MAF: variants seen among roughly 807,000 people sequenced by gnomAD.
The protein encoded by MAF is transcription factor Maf.
In MAF, 10 loss-of-function variants were observed where a neutral mutation model predicts 22.0. That is an observed-to-expected ratio of 0.45 (90% CI 0.28 to 0.77). The LOEUF (loss-of-function observed/expected upper bound fraction) is 0.77. Ranked by LOEUF, MAF falls within the 30% of genes least tolerant of loss-of-function variation. The pLI is 0.12. For missense variants in MAF, 544 were observed against 548.4 expected (o/e 0.99, Z 0.08); for synonymous variants, 337 against 255.8 (o/e 1.32, Z -3.03).
the MAF span, among the ~76,000 whole-genome samples, chr16:79,217,991 A>G: frequency 4.7e-4 from 10 of 21,374 alleles, no homozygotes; most frequent in Non-Finnish European, 9.1e-4. Context: ...TTATGTAAAA[A>G]AAAAAAAAAA....
intron 1 of MAF, chr16:79,596,663 G>A: frequency 1.9e-6 from 2 of 1,036,252 alleles, no homozygotes; most frequent in African/African-American, 1.7e-5. Flanking sequence ...TATTTATTGT[G>A]GTAAGATTTA....
At chr16:79,210,762 C>T in the MAF span, among the ~76,000 whole-genome samples, 9,121 of 152,138 alleles carry the variant, frequency 0.06, 400 homozygotes, top group East Asian at 0.23. Context: ...TATAGCATCC[C>T]TGACAGTATT....
At chr16:79,553,339 G>A in the MAF span, among the ~76,000 whole-genome samples, 17 of 152,324 alleles carry the variant, frequency 1.1e-4, no homozygotes, top group African/African-American at 3.6e-4. Flanking sequence ...ATGGAGCCTG[G>A]TCTCTCTGGA....
At chr16:79,371,101 G>A in the MAF span, among the ~76,000 whole-genome samples, 10 of 151,658 alleles carry the variant, frequency 6.6e-5, no homozygotes, top group Admixed American at 2.6e-4. Context: ...TGGATGAATG[G>A]TTTGGAGGGC....
the MAF span, among the ~76,000 whole-genome samples, chr16:79,474,724 G>A: frequency 6.6e-6 from 1 of 152,084 alleles, no homozygotes. Flanking sequence ...GGTGAAGGAG[G>A]AAATCCTTGA....
At chr16:79,484,786 T>G in the MAF span, among the ~76,000 whole-genome samples, 1 of 152,176 alleles carries the variant, frequency 6.6e-6, no homozygotes, top group Admixed American at 6.5e-5. Context: ...AGGGGTGACA[T>G]GTGTGCATGT....
chr16:79,507,162 G>A, the MAF span, among the ~76,000 whole-genome samples: 1 of 149,030 alleles, frequency 6.7e-6, no homozygotes, highest in African/African-American at 2.5e-5. Context: ...CGCCCAGGCT[G>A]GAGTGCAGGG....
the MAF span, among the ~76,000 whole-genome samples, chr16:79,543,682 T>G: frequency 6.6e-6 from 1 of 150,720 alleles, no homozygotes; most frequent in Non-Finnish European, 1.5e-5. Context: ...TTTTCTTTTT[T>G]TTTTTTTCTT....
At chr16:79,211,056 T>TGTGTGTGTGTGTGTGC in the MAF span, among the ~76,000 whole-genome samples, 4 of 150,314 alleles carry the variant, frequency 2.7e-5, no homozygotes, top group South Asian at 2.1e-4. Flanking sequence ...TGTGTGTGTG[T>TGTGTGTGTGTGTGTGC]GCATTAAATG....
chr16:79,253,285 C>T, the MAF span, among the ~76,000 whole-genome samples: 1 of 152,180 alleles, frequency 6.6e-6, no homozygotes, highest in Non-Finnish European at 1.5e-5. Context: ...AGCCCCCAGC[C>T]TCCACCCCAC....
chr16:79,458,385 C>T, the MAF span, among the ~76,000 whole-genome samples: 4 of 152,120 alleles, frequency 2.6e-5, no homozygotes, highest in East Asian at 1.9e-4. Flanking sequence ...ACTTTGCCAA[C>T]GTCAGAAACC....
the MAF span, among the ~76,000 whole-genome samples, chr16:79,498,479 C>A: frequency 6.6e-6 from 1 of 152,216 alleles, no homozygotes; most frequent in East Asian, 1.9e-4. Context: ...AATGGGAAAA[C>A]AGGCTTCAGG....
chr16:79,233,371 G>A, the MAF span, among the ~76,000 whole-genome samples: 1 of 151,952 alleles, frequency 6.6e-6, no homozygotes, highest in African/African-American at 2.4e-5. Flanking sequence ...ATCATCCAGG[G>A]CCCCTTGTGC....
the MAF span, among the ~76,000 whole-genome samples, chr16:79,392,938 T>C: frequency 0.032 from 4,891 of 152,288 alleles, 170 homozygotes; most frequent in African/African-American, 0.082. Context: ...ACCCCAGTAA[T>C]GGTGGACTCA....
the MAF span, among the ~76,000 whole-genome samples, chr16:79,377,525 C>T: frequency 4.3e-4 from 66 of 152,248 alleles, no homozygotes; most frequent in African/African-American, 1.5e-3. Context: ...GGAGCTCTTT[C>T]GTTTAATTAG....
chr16:79,483,838 G>C, the MAF span, among the ~76,000 whole-genome samples: 1 of 152,180 alleles, frequency 6.6e-6, no homozygotes, highest in Non-Finnish European at 1.5e-5. Flanking sequence ...TAAGCAATGT[G>C]ATGGTGGTCT....
chr16:79,262,337 T>C, the MAF span, among the ~76,000 whole-genome samples: 1 of 152,176 alleles, frequency 6.6e-6, no homozygotes, highest in African/African-American at 2.4e-5. Context: ...TTACTCTCTA[T>C]CCAAAATAGA....
At chr16:79,265,222 C>G in the MAF span, among the ~76,000 whole-genome samples, 2 of 152,228 alleles carry the variant, frequency 1.3e-5, no homozygotes, top group African/African-American at 2.4e-5. Flanking sequence ...CCTGTTTAAT[C>G]TAAATTCATC....
chr16:79,515,264 G>T, the MAF span, among the ~76,000 whole-genome samples: 31 of 152,248 alleles, frequency 2.0e-4, no homozygotes, highest in African/African-American at 7.5e-4. Context: ...GTCTATGCTG[G>T]CGATTAGTGC....
Sources: allele counts gnomAD v4.1 joint callset (sites outside exome capture counted in the v4.1 genomes callset), GRCh38; gene constraint gnomAD v4.1.1; transcripts MANE v1.5; gene names NCBI Gene and HGNC (gene_info 2026-07-23, HGNC 2026-07-21).